The following CNTNAP5 variants were observed in gnomAD, a reference collection of about 807,000 sequenced individuals.
CNTNAP5 encodes the protein contactin associated protein family member 5, also known as contactin-associated protein-like 5.
In CNTNAP5, 72 loss-of-function variants were observed where a neutral mutation model predicts 150.2. The ratio of observed to expected loss-of-function variants is 0.48; its 90% CI spans 0.40 to 0.58. The LOEUF (loss-of-function observed/expected upper bound fraction) is 0.58, where lower values mean the gene tolerates loss of function less well. Ranked by LOEUF, CNTNAP5 falls within the 20% of genes least tolerant of loss-of-function variation. The pLI is 0.00. For missense variants in CNTNAP5, 1,636 were observed against 1,626.2 expected (o/e 1.01, Z -0.10); for synonymous variants, 672 against 619.8 (o/e 1.08, Z -1.25).
rs534384708 is a variant in CNTNAP5, at chr2:124,454,379, T to A, written c.918+7442T>A. Among the ~76,000 whole-genome samples, 56 of 152,200 alleles carry A rather than the reference T, an allele frequency of 3.7e-4. 2 individuals are homozygous for A. The South Asian group carries it at 0.011, about 30-fold the overall frequency. ...AGTCATAAATATATATGCACCTAAC[T>A]CTGGAGCTCCCAAATTTGTAAAACA... On this transcript the variant is annotated intron_variant, in intron 6 of 23. Coordinates refer to ENST00000682447, the MANE Select transcript of CNTNAP5 (RefSeq NM_001367498.1).
intron 12 of CNTNAP5, among the ~76,000 whole-genome samples, 174 bp from the exon 13 acceptor site, chr2:124,647,584 C>T (rs1678229613): frequency 6.6e-6 from 1 of 152,208 alleles, no homozygotes; most frequent in African/African-American, 2.4e-5. Flanking sequence ...TACTGACCCC[C>T]ATCCTAACTC....
chr2:124,624,291 T>G (rs778305039), intron 12 of CNTNAP5, among the ~76,000 whole-genome samples: 1 of 152,238 alleles, frequency 6.6e-6, no homozygotes, highest in Non-Finnish European at 1.5e-5. Flanking sequence ...ATACCCGTTT[T>G]AGCACGGCCA....
intron 1 of CNTNAP5, among the ~76,000 whole-genome samples, chr2:124,182,613 T>C (rs1284880001): frequency 1.3e-5 from 2 of 152,144 alleles, no homozygotes; most frequent in African/African-American, 4.8e-5. Context: ...CTAATCTTCT[T>C]ATGAGACTGT....
In CNTNAP5 at chr2:124,560,069, T is replaced by A. The variant is rs187818132; in HGVS notation, c.1650-3148T>A. ...AGATGTAGTTTCTACATTTTTATGG[T>A]AAATTGAGTTTATCATTGTAAAACA... On this transcript the variant is annotated intron_variant, in intron 10 of 23. Coordinates refer to ENST00000682447, the MANE Select transcript of CNTNAP5 (RefSeq NM_001367498.1). Among the ~76,000 whole-genome samples, 22 of 152,330 alleles carry A rather than the reference T, an allele frequency of 1.4e-4. No individual in the cohort carries two copies. In the East Asian group the frequency reaches 4.2e-3, roughly 29 times the overall value.
At chr2:124,615,002 A>G (rs1218390118) in intron 12 of CNTNAP5, among the ~76,000 whole-genome samples, 1 of 151,924 alleles carries the variant, frequency 6.6e-6, no homozygotes, top group Non-Finnish European at 1.5e-5. Context: ...AAAAAACCAA[A>G]GTCTATGTCT....
intron 1 of CNTNAP5, among the ~76,000 whole-genome samples, chr2:124,152,874 G>A (rs1375707468): frequency 6.6e-6 from 1 of 152,140 alleles, no homozygotes; most frequent in African/African-American, 2.4e-5. Context: ...AAAGAAAGTT[G>A]TAACTGGGAG....
chr2:124,835,631 T>C (rs753261565), intron 19 of CNTNAP5, among the ~76,000 whole-genome samples: 13 of 152,158 alleles, frequency 8.5e-5, no homozygotes, highest in African/African-American at 1.9e-4. Context: ...TCCCCAGGCA[T>C]GATGTTAAGT....
chr2:124,176,229 C>T (rs537329616), intron 1 of CNTNAP5, among the ~76,000 whole-genome samples: 9 of 152,262 alleles, frequency 5.9e-5, no homozygotes, highest in African/African-American at 2.2e-4. Context: ...TGGCAAATGA[C>T]CATTAAGTAA....
intron 13 of CNTNAP5, among the ~76,000 whole-genome samples, chr2:124,743,541 G>A (rs1485443803): frequency 2.0e-5 from 3 of 152,104 alleles, no homozygotes; most frequent in African/African-American, 7.2e-5. Flanking sequence ...GGGGAGACAG[G>A]GGTTGCAGCT....
chr2:124,867,621 C>T (rs1479755208), intron 20 of CNTNAP5, among the ~76,000 whole-genome samples: 1 of 152,160 alleles, frequency 6.6e-6, no homozygotes. Flanking sequence ...ACTCTTGTCT[C>T]TTTTGTTGGT....
rs531373700 is a variant in CNTNAP5, at chr2:124,058,868, T to C, written c.82+33136T>C. ...TTGAGTCCTGCTACATCTGAGCAAG[T>C]GCTTTTTCAAGTTGCTTCCTGCTGA... On this transcript the variant is annotated intron_variant, in intron 1 of 23. Transcript: ENST00000682447. Among the ~76,000 whole-genome samples, 7 of 152,322 alleles carry C rather than the reference T, an allele frequency of 4.6e-5. No individual in the cohort carries two copies. The South Asian group carries it at 1.5e-3, about 32-fold the overall frequency.
At chr2:124,124,333 G>A (rs1488936441) in intron 1 of CNTNAP5, among the ~76,000 whole-genome samples, 4 of 152,096 alleles carry the variant, frequency 2.6e-5, no homozygotes, top group Non-Finnish European at 5.9e-5. Flanking sequence ...TCAAATGAAT[G>A]AAATGAAGTG....
intron 2 of CNTNAP5, among the ~76,000 whole-genome samples, chr2:124,228,090 A>G (rs1224345600): frequency 1.3e-5 from 2 of 152,072 alleles, no homozygotes; most frequent in Non-Finnish European, 2.9e-5. Context: ...AAGATCTGAG[A>G]ACTGGGGGAA....
At chr2:124,883,724 G>T (rs1167367283) in intron 21 of CNTNAP5, among the ~76,000 whole-genome samples, 1 of 152,012 alleles carries the variant, frequency 6.6e-6, no homozygotes, top group East Asian at 1.9e-4. Flanking sequence ...ATATATTCGT[G>T]CGTGGGTTTG....
At chr2:124,080,482 CTT>C (rs1682535006) in intron 1 of CNTNAP5, among the ~76,000 whole-genome samples, 1 of 152,186 alleles carries the variant, frequency 6.6e-6, no homozygotes, top group African/African-American at 2.4e-5. Flanking sequence ...GAGCCAGTGA[CTT>C]TGAACCGCTG....
intron 5 of CNTNAP5, among the ~76,000 whole-genome samples, chr2:124,436,015 T>G (rs1197008198): frequency 6.6e-6 from 1 of 152,168 alleles, no homozygotes; most frequent in East Asian, 1.9e-4. Flanking sequence ...CTCAGAGCTT[T>G]CTGAATGTTG....
intron 3 of CNTNAP5, among the ~76,000 whole-genome samples, chr2:124,349,878 T>TGGC (rs1689832093): frequency 2.6e-4 from 13 of 49,842 alleles, no homozygotes; most frequent in African/African-American, 9.8e-4. Flanking sequence ...CTATTTCTTT[T>TGGC]TTTTTTTTTT....
chr2:124,724,923 CT>C (rs71387242), intron 13 of CNTNAP5, among the ~76,000 whole-genome samples: 1,917 of 111,502 alleles, frequency 0.017, 30 homozygotes, highest in African/African-American at 0.047. Flanking sequence ...ATTCCCTTAG[CT>C]TTTTTTTTTT....
At chr2:124,070,236 T>A (rs1014174270) in intron 1 of CNTNAP5, among the ~76,000 whole-genome samples, 2 of 151,484 alleles carry the variant, frequency 1.3e-5, no homozygotes, top group African/African-American at 4.8e-5. Context: ...AATATCACTT[T>A]CATTTAAAGG....
Sources: allele counts gnomAD v4.1 joint callset (sites outside exome capture counted in the v4.1 genomes callset), GRCh38; gene constraint gnomAD v4.1.1; transcripts MANE v1.5; gene names NCBI Gene and HGNC (gene_info 2026-07-23, HGNC 2026-07-21).